ARIH1: variants seen among roughly 807,000 people sequenced by gnomAD.
ARIH1 encodes E3 ubiquitin-protein ligase ARIH1.
Under a neutral mutation model 85.0 loss-of-function variants are expected in ARIH1, and 8 were observed. That is an observed-to-expected ratio of 0.09 (90% CI 0.06 to 0.17). ARIH1 has a LOEUF of 0.17. ARIH1 is among the 10% of genes least tolerant of loss of function. The pLI is 1.00. For missense variants in ARIH1, 311 were observed against 718.1 expected, an observed-to-expected ratio of 0.43 and a Z score of 6.48; for synonymous variants, 238 against 253.6, an observed-to-expected ratio of 0.94 and a Z score of 0.59.
At position 72,583,224 on chromosome 15, in the gene ARIH1, C is replaced by A; in HGVS notation, c.1606C>A (p.Arg536=). 1 of 1,609,608 alleles carries A rather than the reference C, an allele frequency of 6.2e-7. No individual in the cohort carries two copies. Among genetic ancestry groups the A allele is most frequent in the Non-Finnish European group, 8.5e-7 (1 of 1,177,974 alleles). ...TGATTACAGATACTGTGAGAGTCGA[C>A]GAAGGGTTTTGTTACAGCATGTGCA... ...QDKYRYCESR[R]RVLLQHVHEG... is the part of the protein sequence containing the mutation. The change falls in exon 14 of 14, where the codon CGA becomes AGA. Residue 536 remains arginine, a synonymous_variant. Coordinates refer to ENST00000379887, the MANE Select transcript of ARIH1 (RefSeq NM_005744.5).
At chr15:72,482,651 A>T (rs928790261) in intron 1 of ARIH1, among the ~76,000 whole-genome samples, 1 of 152,150 alleles carries the variant, frequency 6.6e-6, no homozygotes, top group Non-Finnish European at 1.5e-5. Context: ...ACCTGTGGTA[A>T]CTATGTAGAT....
rs999861517 is a variant in ARIH1 at position 72,585,399 on chromosome 15, T to G, written c.*2107T>G. ...GCATCAATCTTAAAAAGATATACAT[T>G]AAAACTAAGGAGTTTTTTTAAAGAA... On this transcript the variant is annotated 3_prime_UTR_variant, in exon 14 of 14. Transcript: ENST00000379887. The G allele has an allele frequency of 1.3e-5, 2 of 152,150 alleles. No homozygotes were observed. The highest frequency in any genetic ancestry group is 2.9e-5 in the Non-Finnish European group (2 of 68,036). The allele number at this position is 152,150 out of a possible 1,614,324, so 9.4% of individuals were successfully genotyped here. A position where few individuals can be genotyped will look rare whatever the true frequency, so the allele number is the denominator to read the frequency against.
At chr15:72,522,764 C>A (rs2064006068) in intron 2 of ARIH1, among the ~76,000 whole-genome samples, 1 of 152,144 alleles carries the variant, frequency 6.6e-6, no homozygotes, top group Admixed American at 6.6e-5. Flanking sequence ...ACAAAGGACT[C>A]TTGTCCGAAA....
rs1249117437 is a variant in ARIH1, at chr15:72,602,055, T to C, written c.*18763T>C. 6.6e-6 allele frequency: 1 copy of C among 152,228 alleles called. No homozygotes were observed. The highest frequency in any genetic ancestry group is 1.9e-4 in the East Asian group (1 of 5,206). The allele number at this position is 152,228 out of a possible 1,614,324, so 9.4% of individuals were successfully genotyped here. Reference sequence around the variant, plus strand: ...TTGCCTCTTTCTTTTTCATGCGCCATATAATATGGACTTATAATTTATTTA... The same window carrying C: ...TTGCCTCTTTCTTTTTCATGCGCCACATAATATGGACTTATAATTTATTTA... On this transcript the variant is annotated 3_prime_UTR_variant, in exon 14 of 14. Coordinates refer to ENST00000379887, the MANE Select transcript of ARIH1 (RefSeq NM_005744.5).
At chr15:72,554,394 T>C (rs989231368) in intron 3 of ARIH1, among the ~76,000 whole-genome samples, 2 of 151,460 alleles carry the variant, frequency 1.3e-5, no homozygotes, top group East Asian at 3.9e-4. Context: ...TAATATTGGC[T>C]TTTTTTTTCC....
chr15:72,561,905 A>G (rs1019348181), intron 6 of ARIH1, among the ~76,000 whole-genome samples: 1 of 152,172 alleles, frequency 6.6e-6, no homozygotes, highest in African/African-American at 2.4e-5. Context: ...CCCTGGAGGC[A>G]GAGGTTGCAG....
intron 2 of ARIH1, among the ~76,000 whole-genome samples, chr15:72,521,855 C>T (rs2064001769): frequency 1.3e-5 from 2 of 152,110 alleles, no homozygotes; most frequent in Admixed American, 6.6e-5. Flanking sequence ...AGCATGTCTT[C>T]TAACTTTCTA....
intron 3 of ARIH1, among the ~76,000 whole-genome samples, chr15:72,552,481 G>T (rs1004098176): frequency 1.3e-5 from 2 of 152,024 alleles, no homozygotes; most frequent in Admixed American, 1.3e-4. Flanking sequence ...ATAGACACAG[G>T]GTTTCGCCAT....
intron 1 of ARIH1, among the ~76,000 whole-genome samples, chr15:72,499,688 A>G (rs2063894922): frequency 6.6e-6 from 1 of 152,164 alleles, no homozygotes; most frequent in Admixed American, 6.5e-5. Flanking sequence ...TAAGAACAGT[A>G]CTCTGGTAGC....
At chr15:72,532,286 TA>T (rs1237326963) in intron 2 of ARIH1, among the ~76,000 whole-genome samples, 1 of 148,692 alleles carries the variant, frequency 6.7e-6, no homozygotes, top group Non-Finnish European at 1.5e-5. Flanking sequence ...GTGGATGGTT[TA>T]AAAAAAAACT....
intron 10 of ARIH1, among the ~76,000 whole-genome samples, chr15:72,571,085 C>G (rs2064242925): frequency 7.5e-6 from 1 of 133,524 alleles, no homozygotes; most frequent in Non-Finnish European, 1.5e-5. Flanking sequence ...ACCAAGATCG[C>G]CCCATTGCAC....
intron 1 of ARIH1, among the ~76,000 whole-genome samples, chr15:72,480,958 A>G (rs967473553): frequency 6.6e-6 from 1 of 152,320 alleles, no homozygotes; most frequent in East Asian, 1.9e-4. Context: ...ACATCATTTT[A>G]AAAACCTCAG....
intron 1 of ARIH1, among the ~76,000 whole-genome samples, chr15:72,477,928 T>A (rs987723888): frequency 1.3e-5 from 2 of 151,082 alleles, no homozygotes; most frequent in African/African-American, 4.9e-5. Flanking sequence ...TGCCTCAGCT[T>A]CCCCCCCTAC....
chr15:72,530,776 G>A (rs538448721), intron 2 of ARIH1, among the ~76,000 whole-genome samples: 1 of 152,242 alleles, frequency 6.6e-6, no homozygotes, highest in African/African-American at 2.4e-5. Context: ...TAGTTTAACA[G>A]CAGACTGGAC....
chr15:72,496,763 C>T, intron 1 of ARIH1: 1 of 978,824 alleles, frequency 1.0e-6, no homozygotes. Flanking sequence ...CGCTGTGGCC[C>T]ATTGATCTGT....
rs566760777 is a variant in ARIH1 at position 72,591,611 on chromosome 15, T to C, written c.*8319T>C. On this transcript the variant is annotated 3_prime_UTR_variant, in exon 14 of 14. Transcript: ENST00000379887. The stretch of plus-strand genomic sequence containing the variant: ...TCCTTTTACAGGGAGACTTCCTTGC[T>C]ATGTGTACTCCCACCTCGGTATGTC... 1.3e-5 allele frequency: 2 copies of C among 152,248 alleles called. No homozygotes were observed. Among genetic ancestry groups the C allele is most frequent in the Non-Finnish European group, 2.9e-5 (2 of 68,044 alleles). The allele number at this position is 152,248 out of a possible 1,614,324, so 9.4% of individuals were successfully genotyped here.
rs750725925 is a variant in ARIH1 at position 72,587,219 on chromosome 15, CTT to C, written c.*3928_*3929del. The C allele has an allele frequency of 3.8e-6, 2 of 525,208 alleles. No individual in the cohort carries two copies. The highest frequency in any genetic ancestry group is 7.8e-6 in the Non-Finnish European group (2 of 255,358). 32.5% of individuals were successfully genotyped at this position (525,208 alleles called of 1,614,324 possible). A position where few individuals can be genotyped will look rare whatever the true frequency, so the allele number is the denominator to read the frequency against. On this transcript the variant is annotated 3_prime_UTR_variant, in exon 14 of 14. Coordinates refer to ENST00000379887, the MANE Select transcript of ARIH1 (RefSeq NM_005744.5). ...ATTTTTCATTTCCTTCTACCTGAAA[CTT>C]AACATCATGCTACCTCTTTGTATCA...
At chr15:72,536,922 A>G (rs917474246) in intron 2 of ARIH1, among the ~76,000 whole-genome samples, 10 of 152,204 alleles carry the variant, frequency 6.6e-5, no homozygotes, top group Non-Finnish European at 2.9e-5. Flanking sequence ...TTAGGCTAAT[A>G]AGAAAAATCT....
Position 72,524,911 on chromosome 15 carries a change from G to A in ARIH1, c.443+6777G>A, listed in dbSNP as rs184588190. Among the ~76,000 whole-genome samples, 194 of 152,200 alleles carry A rather than the reference G, an allele frequency of 1.3e-3. 1 individual carries two copies. Among genetic ancestry groups the A allele is most frequent in the African/African-American group, 4.5e-3 (187 of 41,528 alleles). On this transcript the variant is annotated intron_variant, in intron 2 of 13. Transcript: ENST00000379887. Reference sequence around the variant, plus strand: ...TCTCTTTTTTTCCTTTTGAGACAGGGTCTCACTCTGTCACCCAGGCTGGAG... The same window carrying A: ...TCTCTTTTTTTCCTTTTGAGACAGGATCTCACTCTGTCACCCAGGCTGGAG...
Sources: gnomAD v4.1 joint callset for allele counts (sites outside exome capture counted in the v4.1 genomes callset) on GRCh38, gnomAD v4.1.1 for gene constraint, MANE v1.5 for transcripts, NCBI Gene and HGNC (gene_info 2026-07-23, HGNC 2026-07-21) for gene names.